The following KLF8 variants were observed in gnomAD, a reference collection of about 807,000 sequenced individuals.
KLF8 encodes Krueppel-like factor 8.
KLF8 carries 10 observed loss-of-function variants against 18.2 expected under a neutral mutation model. The ratio of observed to expected loss-of-function variants is 0.55; its 90% CI spans 0.34 to 0.93. The LOEUF (loss-of-function observed/expected upper bound fraction) is 0.93, where lower values mean the gene tolerates loss of function less well. Ranked by LOEUF, KLF8 falls within the 40% of genes least tolerant of loss-of-function variation. The probability of loss-of-function intolerance (pLI) is 0.02; values close to 1 mark genes in which losing one functional copy is unlikely to be tolerated. For synonymous variants in KLF8, 109 were observed against 97.3 expected (o/e 1.12, Z -0.71); for missense variants, 264 against 277.9 (o/e 0.95, Z 0.36).
the KLF8 span, among the ~76,000 whole-genome samples, chrX:55,979,559 A>G: frequency 8.9e-6 from 1 of 112,068 alleles, no homozygotes; most frequent in Non-Finnish European, 1.9e-5. Flanking sequence ...ATCTTTATAG[A>G]TAATAGATAG....
chrX:56,057,039 G>A, the KLF8 span, among the ~76,000 whole-genome samples: 1 of 73,309 alleles, frequency 1.4e-5, no homozygotes, highest in African/African-American at 3.4e-5. Context: ...GCTAACAGGG[G>A]CTTGGGGGAC....
At chrX:55,937,820 G>A in the KLF8 span, among the ~76,000 whole-genome samples, 3 of 111,796 alleles carry the variant, frequency 2.7e-5, no homozygotes, top group East Asian at 8.4e-4. Context: ...AAGAAGTTTA[G>A]AGTAAAAGAA....
At chrX:56,074,707 GA>G in the KLF8 span, 1 of 163,746 alleles carries the variant, frequency 6.1e-6, no homozygotes, top group Middle Eastern at 1.1e-3. Flanking sequence ...AGTAAGTTTT[GA>G]AATTGGGAAA....
chrX:56,099,598 A>G, the KLF8 span, among the ~76,000 whole-genome samples: 1 of 110,577 alleles, frequency 9.0e-6, no homozygotes, highest in Non-Finnish European at 1.9e-5. Flanking sequence ...ATGAATGCGA[A>G]TGAAAAGCGC....
the KLF8 span, among the ~76,000 whole-genome samples, chrX:56,042,694 G>A: frequency 8.9e-6 from 1 of 111,739 alleles, no homozygotes; most frequent in East Asian, 2.8e-4. Context: ...TGCTTGTAAA[G>A]TTGTCTTCTA....
At chrX:56,038,267 G>T in the KLF8 span, among the ~76,000 whole-genome samples, 2 of 111,277 alleles carry the variant, frequency 1.8e-5, no homozygotes, top group Non-Finnish European at 3.8e-5. Flanking sequence ...GTGCAGATCC[G>T]TTACATAAGT....
At chrX:56,181,587 T>TG in the KLF8 span, among the ~76,000 whole-genome samples, 5 of 111,796 alleles carry the variant, frequency 4.5e-5, no homozygotes, top group Admixed American at 2.9e-4. Context: ...GGCATGTTTT[T>TG]CAGTAGCTGG....
the KLF8 span, among the ~76,000 whole-genome samples, chrX:55,992,566 G>T: frequency 8.9e-6 from 1 of 111,793 alleles, no homozygotes; most frequent in Non-Finnish European, 1.9e-5. Context: ...CACAGGATTG[G>T]TTTGACTATT....
At chrX:56,163,122 T>C in the KLF8 span, among the ~76,000 whole-genome samples, 1 of 112,257 alleles carries the variant, frequency 8.9e-6, no homozygotes, top group Non-Finnish European at 1.9e-5. Context: ...TAATGGGATT[T>C]CTAGTTCAAA....
At chrX:56,100,207 A>T in the KLF8 span, among the ~76,000 whole-genome samples, 1 of 111,167 alleles carries the variant, frequency 9.0e-6, no homozygotes, top group Non-Finnish European at 1.9e-5. Context: ...GCCCTATAAA[A>T]GGAAGAACAA....
the KLF8 span, among the ~76,000 whole-genome samples, chrX:56,221,683 C>G: frequency 9.0e-6 from 1 of 111,345 alleles, no homozygotes; most frequent in African/African-American, 3.3e-5. Context: ...TCGTTCCTCC[C>G]CGGTGGGTTC....
the KLF8 span, among the ~76,000 whole-genome samples, chrX:56,130,028 C>A: frequency 9.1e-6 from 1 of 110,172 alleles, no homozygotes; most frequent in South Asian, 4.1e-4. Flanking sequence ...GTAAGCCAGG[C>A]CCAAGGAGAG....
the KLF8 span, among the ~76,000 whole-genome samples, chrX:56,094,138 A>G: frequency 9.1e-6 from 1 of 110,439 alleles, no homozygotes; most frequent in Non-Finnish European, 1.9e-5. Context: ...ATACATCAGG[A>G]GTCCAAATAC....
chrX:56,092,134 C>T, the KLF8 span, among the ~76,000 whole-genome samples: 1 of 110,666 alleles, frequency 9.0e-6, no homozygotes, highest in Non-Finnish European at 1.9e-5. Flanking sequence ...TGAAAAATGT[C>T]TTTTCTTGTC....
the KLF8 span, among the ~76,000 whole-genome samples, chrX:56,157,009 A>T: frequency 9.2e-6 from 1 of 108,896 alleles, no homozygotes; most frequent in Non-Finnish European, 1.9e-5. Context: ...GATAGACTGG[A>T]TTAAGAAAAT....
the KLF8 span, among the ~76,000 whole-genome samples, chrX:56,056,500 G>T: frequency 9.3e-6 from 1 of 107,011 alleles, no homozygotes; most frequent in Non-Finnish European, 1.9e-5. Context: ...TCCTTTGTAG[G>T]GACATGGATG....
the KLF8 span, among the ~76,000 whole-genome samples, chrX:56,020,045 T>A: frequency 8.9e-6 from 1 of 112,142 alleles, no homozygotes; most frequent in African/African-American, 3.2e-5. Context: ...CAAGTATTGA[T>A]GTGTCGTGGC....
the KLF8 span, among the ~76,000 whole-genome samples, chrX:56,104,627 A>G: frequency 1.8e-5 from 2 of 111,278 alleles, no homozygotes; most frequent in Non-Finnish European, 1.9e-5. Flanking sequence ...TAGTCTTGCT[A>G]GAGGACTATC....
At chrX:56,040,148 A>G in the KLF8 span, among the ~76,000 whole-genome samples, 1 of 111,239 alleles carries the variant, frequency 9.0e-6, no homozygotes, top group Admixed American at 9.6e-5. Flanking sequence ...GGGCTTCAAG[A>G]TACAGGATCA....
Sources: gnomAD v4.1 joint callset for allele counts (sites outside exome capture counted in the v4.1 genomes callset) on GRCh38, gnomAD v4.1.1 for gene constraint, MANE v1.5 for transcripts, NCBI Gene and HGNC (gene_info 2026-07-23, HGNC 2026-07-21) for gene names.